The following TOX3 variants were observed in gnomAD, a reference collection of about 807,000 sequenced individuals.
The protein encoded by TOX3 is TOX high mobility group box family member 3, also known as CAG trinucleotide repeat-containing gene F9 protein.
Under a neutral mutation model 64.3 loss-of-function variants are expected in TOX3, and 22 were observed. The ratio of observed to expected loss-of-function variants is 0.34; its 90% CI spans 0.24 to 0.49. The LOEUF (loss-of-function observed/expected upper bound fraction) is 0.49, where lower values mean the gene tolerates loss of function less well. Among genes scored for constraint, TOX3 ranks in the 20% least tolerant of loss-of-function variants. The pLI is 0.99. For synonymous variants in TOX3, 291 were observed against 273.6 expected, an observed-to-expected ratio of 1.06 and a Z score of -0.63; for missense variants, 661 against 714.4, an observed-to-expected ratio of 0.93 and a Z score of 0.85.
In TOX3 at chr16:52,450,791, T is replaced by TGGAAGGAAGGAAGGAA. The variant is rs555228421; in HGVS notation, c.409-261_409-246dup. Reference sequence around the variant, plus strand: ...TTCATTATAGAACTGTCAGTGGATGTGGAAGGAAGGAAGGAAGGAAGGAAG... The same window carrying TGGAAGGAAGGAAGGAA: ...TTCATTATAGAACTGTCAGTGGATGTGGAAGGAAGGAAGGAAGGAAGGAAGGAAGGAAGGAAGGAAG... On this transcript the variant is annotated intron_variant, in intron 3 of 6. Coordinates refer to ENST00000219746, the MANE Select transcript of TOX3 (RefSeq NM_001080430.4). Among the ~76,000 whole-genome samples, 40 of 116,634 alleles carry TGGAAGGAAGGAAGGAA rather than the reference T, an allele frequency of 3.4e-4. 1 individual carries two copies. Among genetic ancestry groups the TGGAAGGAAGGAAGGAA allele is most frequent in the East Asian group, 9.4e-4 (3 of 3,200 alleles). The allele number at this position is 116,634 out of a possible 152,430, so 76.5% of individuals were successfully genotyped here.
chr16:52,448,291 T>C (rs1960225252), intron 4 of TOX3, among the ~76,000 whole-genome samples: 2 of 152,178 alleles, frequency 1.3e-5, no homozygotes, highest in Admixed American at 1.3e-4. Context: ...ACACAAAACC[T>C]AGACCCTCGC....
chr16:52,526,047 C>T (rs1596859761), intron 1 of TOX3, among the ~76,000 whole-genome samples: 2 of 152,192 alleles, frequency 1.3e-5, no homozygotes, highest in Non-Finnish European at 2.9e-5. Context: ...TATTCTCTGA[C>T]ATTCCCATTG....
At chr16:52,544,860 C>A (rs1963142234) in intron 1 of TOX3, among the ~76,000 whole-genome samples, 1 of 152,152 alleles carries the variant, frequency 6.6e-6, no homozygotes, top group Non-Finnish European at 1.5e-5. Context: ...GCAGTGACTG[C>A]ATTTGTACAA....
chr16:52,489,178 T>G (rs1040197307), intron 1 of TOX3, among the ~76,000 whole-genome samples: 2 of 152,168 alleles, frequency 1.3e-5, no homozygotes, highest in African/African-American at 4.8e-5. Context: ...CTCATTTGAT[T>G]CTTCATCTTT....
intron 1 of TOX3, among the ~76,000 whole-genome samples, chr16:52,478,586 G>C (rs578188942): frequency 6.6e-6 from 1 of 152,308 alleles, no homozygotes; most frequent in South Asian, 2.1e-4. Context: ...CATTTGTCTA[G>C]TTCAATGCTG....
chr16:52,516,183 T>A (rs1281485789), intron 1 of TOX3, among the ~76,000 whole-genome samples: 1 of 152,140 alleles, frequency 6.6e-6, no homozygotes, highest in African/African-American at 2.4e-5. Context: ...AGAAAATCAA[T>A]CAAAGATTAA....
intron 1 of TOX3, among the ~76,000 whole-genome samples, chr16:52,479,802 C>T (rs1350025926): frequency 3.3e-5 from 5 of 152,164 alleles, no homozygotes; most frequent in East Asian, 3.9e-4. Context: ...ATCCCAATAT[C>T]GCTGGGAGGA....
At chr16:52,498,485 C>A (rs1439891064) in intron 1 of TOX3, among the ~76,000 whole-genome samples, 1 of 152,060 alleles carries the variant, frequency 6.6e-6, no homozygotes, top group African/African-American at 2.4e-5. Flanking sequence ...GGCTGGGAGC[C>A]CCCGCATGAT....
intron 1 of TOX3, among the ~76,000 whole-genome samples, chr16:52,510,859 C>T (rs1482152246): frequency 6.6e-6 from 1 of 151,604 alleles, no homozygotes; most frequent in Non-Finnish European, 1.5e-5. Context: ...TCATTTCTAC[C>T]TTCCAGAAGC....
At chr16:52,537,295 A>C (rs1962972116) in intron 1 of TOX3, among the ~76,000 whole-genome samples, 1 of 152,130 alleles carries the variant, frequency 6.6e-6, no homozygotes, top group Non-Finnish European at 1.5e-5. Context: ...TTCTCAACCA[A>C]CCACATCTCC....
chr16:52,452,697 A>T (rs889474942), intron 3 of TOX3, among the ~76,000 whole-genome samples: 4 of 152,114 alleles, frequency 2.6e-5, no homozygotes, highest in African/African-American at 7.2e-5. Flanking sequence ...AAAAAAAGAA[A>T]TGGAAAAAAA....
At chr16:52,536,676 T>TACACAC (rs1172145324) in intron 1 of TOX3, among the ~76,000 whole-genome samples, 2 of 78,370 alleles carry the variant, frequency 2.6e-5, no homozygotes, top group East Asian at 3.6e-4. Flanking sequence ...TATATATATA[T>TACACAC]ACATGTGTAT....
At chr16:52,494,346 G>C (rs1332391824) in intron 1 of TOX3, among the ~76,000 whole-genome samples, 1 of 152,158 alleles carries the variant, frequency 6.6e-6, no homozygotes, top group Non-Finnish European at 1.5e-5. Context: ...CCCCAACTGG[G>C]TGTTAAAACC....
At chr16:52,504,165 A>G (rs1032663511) in intron 1 of TOX3, among the ~76,000 whole-genome samples, 1 of 152,094 alleles carries the variant, frequency 6.6e-6, no homozygotes, top group African/African-American at 2.4e-5. Flanking sequence ...ATTTTCCCAT[A>G]AGAAGTTCAC....
rs543570307 is a variant in TOX3 at position 52,491,553 on chromosome 16, T to C, written c.88-22979A>G. ...ATTGAGTGCTAAGTATGTGCTGGTA[T>C]GTATAACCTTGTTTGATCATCAGAG... On this transcript the variant is annotated intron_variant, in intron 1 of 6. Coordinates refer to ENST00000219746, the MANE Select transcript of TOX3 (RefSeq NM_001080430.4). 2.0e-5 allele frequency among the ~76,000 whole-genome samples: 3 copies of C among 152,328 alleles called. No homozygotes were observed. The South Asian group carries it at 6.2e-4, about 32-fold the overall frequency.
chr16:52,535,794 T>G (rs972864725), intron 1 of TOX3, among the ~76,000 whole-genome samples: 6 of 152,122 alleles, frequency 3.9e-5, no homozygotes, highest in Admixed American at 2.0e-4. Flanking sequence ...CTAGGCAAAA[T>G]CCACCACCAA....
At chr16:52,537,349 G>A (rs2151488708) in intron 1 of TOX3, among the ~76,000 whole-genome samples, 1 of 152,228 alleles carries the variant, frequency 6.6e-6, no homozygotes, top group East Asian at 1.9e-4. Flanking sequence ...ATATCCAGGT[G>A]ACCTATAGGT....
chr16:52,450,758 C>G (rs931710509), intron 3 of TOX3, among the ~76,000 whole-genome samples: 50 of 129,978 alleles, frequency 3.8e-4, no homozygotes, highest in African/African-American at 1.1e-3. Context: ...ATATCCAGAA[C>G]AGAATATTTC....
chr16:52,502,944 T>C (rs1596834780), intron 1 of TOX3, among the ~76,000 whole-genome samples: 1 of 152,264 alleles, frequency 6.6e-6, no homozygotes, highest in East Asian at 1.9e-4. Flanking sequence ...ACTGCAACTA[T>C]ACAAACTATA....
Sources: allele counts gnomAD v4.1 joint callset (sites outside exome capture counted in the v4.1 genomes callset), GRCh38; gene constraint gnomAD v4.1.1; transcripts MANE v1.5; gene names NCBI Gene and HGNC (gene_info 2026-07-23, HGNC 2026-07-21).